NAA30: variants seen among roughly 807,000 people sequenced by gnomAD.
NAA30 encodes the protein N-alpha-acetyltransferase 30.
In NAA30, 5 loss-of-function variants were observed where a neutral mutation model predicts 31.4. The observed-to-expected ratio is 0.16, with a 90% confidence interval of 0.08 to 0.33. The LOEUF (loss-of-function observed/expected upper bound fraction) is 0.33, where lower values mean the gene tolerates loss of function less well. Ranked by LOEUF, NAA30 falls within the 10% of genes least tolerant of loss-of-function variation. NAA30 has a pLI of 1.00. For missense variants in NAA30, 428 were observed against 490.8 expected, an observed-to-expected ratio of 0.87 and a Z score of 1.21; for synonymous variants, 222 against 207.1, an observed-to-expected ratio of 1.07 and a Z score of -0.62.
intron 1 of NAA30, 112 bp from the exon 2 acceptor site, chr14:57,390,845 G>C (rs868587455): frequency 1.9e-6 from 2 of 1,067,096 alleles, no homozygotes; most frequent in African/African-American, 1.7e-5. Context: ...CGTGAGGGAC[G>C]GTTTCTGCCT....
chr14:57,399,525 C>T (rs1297035272), intron 3 of NAA30, among the ~76,000 whole-genome samples: 3 of 152,182 alleles, frequency 2.0e-5, no homozygotes, highest in South Asian at 2.1e-4. Flanking sequence ...TTTTCTCTTT[C>T]GCTTTCCTAC....
At chr14:57,400,661 A>G (rs1017425115) in intron 4 of NAA30, among the ~76,000 whole-genome samples, 3 of 152,180 alleles carry the variant, frequency 2.0e-5, no homozygotes. Flanking sequence ...AATATGTGAA[A>G]TTGGGTAAGT....
At chr14:57,397,226 C>A (rs146018706) in intron 3 of NAA30, among the ~76,000 whole-genome samples, 229 of 152,226 alleles carry the variant, frequency 1.5e-3, no homozygotes, top group African/African-American at 5.3e-3. Context: ...TGCCAGCCTT[C>A]AAGCACTTGT....
chr14:57,408,213 C>T (rs940612325), intron 4 of NAA30, among the ~76,000 whole-genome samples: 1 of 152,110 alleles, frequency 6.6e-6, no homozygotes, highest in Admixed American at 6.6e-5. Context: ...ATTTCCCCCC[C>T]ACCCACTCCA....
intron 2 of NAA30, among the ~76,000 whole-genome samples, chr14:57,393,911 G>T (rs766883473): frequency 1.8e-4 from 28 of 152,056 alleles, no homozygotes; most frequent in Middle Eastern, 3.2e-3. Flanking sequence ...GAAGATTATT[G>T]TGTCACCAAG....
chr14:57,393,705 C>G (rs1425837910), intron 2 of NAA30, among the ~76,000 whole-genome samples: 1 of 151,924 alleles, frequency 6.6e-6, no homozygotes, highest in African/African-American at 2.4e-5. Flanking sequence ...TTTCAATCTC[C>G]AGATATTTAC....
At chr14:57,402,200 A>G (rs567482462) in intron 4 of NAA30, among the ~76,000 whole-genome samples, 1 of 152,378 alleles carries the variant, frequency 6.6e-6, no homozygotes, top group African/African-American at 2.4e-5. Context: ...TTTAAGACCC[A>G]ATTCAAATAC....
rs2066541807 is a variant in NAA30 at position 57,415,135 on chromosome 14, C to T, written c.*5619C>T. The T allele has an allele frequency of 6.6e-6, 1 of 152,016 alleles. No homozygotes were observed. Among genetic ancestry groups the T allele is most frequent in the Admixed American group, 6.5e-5 (1 of 15,270 alleles). 9.4% of individuals were successfully genotyped at this position (152,016 alleles called of 1,614,324 possible). On this transcript the variant is annotated 3_prime_UTR_variant, in exon 5 of 5. Transcript: ENST00000556492. Reference sequence around the variant, plus strand: ...CATTTTTGTAAATAAAATAATTTACCATATACTAGGAGAAGGACCTGCTTT... The same window carrying T: ...CATTTTTGTAAATAAAATAATTTACTATATACTAGGAGAAGGACCTGCTTT...
In NAA30 at chr14:57,410,513, T is replaced by C. The variant is rs2066518485; in HGVS notation, c.*997T>C. On this transcript the variant is annotated 3_prime_UTR_variant, in exon 5 of 5. Transcript: ENST00000556492. ...AGCTTTTACAAAGTAGCTGAATTTG[T>C]TTTTCCCACTTGATTTGGATTCACA... The C allele has an allele frequency of 1.3e-5, 2 of 152,486 alleles. No homozygotes were observed. The highest frequency in any genetic ancestry group is 4.8e-5 in the African/African-American group (2 of 41,434). The allele number at this position is 152,486 out of a possible 1,614,324, so 9.4% of individuals were successfully genotyped here.
At chr14:57,399,983 G>A (rs938991286) in intron 4 of NAA30, 100 bp downstream of exon 4, 47 of 600,892 alleles carry the variant, frequency 7.8e-5, no homozygotes, top group African/African-American at 7.3e-4. Context: ...TCATTGCAGT[G>A]TTACTATACA....
intron 4 of NAA30, among the ~76,000 whole-genome samples, chr14:57,405,407 A>T (rs1487048890): frequency 9.2e-6 from 1 of 109,050 alleles, no homozygotes; most frequent in Non-Finnish European, 2.0e-5. Context: ...TGTATTTACT[A>T]ATAATATATA....
At position 57,404,652 on chromosome 14, in the gene NAA30, CG is replaced by C. The variant is rs949387038; in HGVS notation, c.952-4726del. 5.3e-5 allele frequency among the ~76,000 whole-genome samples: 8 copies of C among 152,236 alleles called. 2 individuals carry two copies. The highest frequency in any genetic ancestry group is 2.1e-4 in the South Asian group (1 of 4,812). On this transcript the variant is annotated intron_variant, in intron 4 of 4. Transcript: ENST00000556492. ...GCAGTTTACAAAAGAAAGAGTACCA[CG>C]TTGGATTTACAGTTCCACATGGCTG...
At chr14:57,390,781 G>A in intron 1 of NAA30, 76 bp downstream of exon 1, 2 of 571,562 alleles carry the variant, frequency 3.5e-6, no homozygotes, top group Non-Finnish European at 5.4e-6. Context: ...GGCCGGCTGA[G>A]CAGCTGGGCG....
In NAA30 at chr14:57,399,042, T is replaced by C. The variant is rs2066462915; in HGVS notation, c.896-786T>C. 1.3e-5 allele frequency among the ~76,000 whole-genome samples: 2 copies of C among 151,934 alleles called. 1 individual carries two copies. Among genetic ancestry groups the C allele is most frequent in the South Asian group, 4.2e-4 (2 of 4,806 alleles). On this transcript the variant is annotated intron_variant, in intron 3 of 4. Coordinates refer to ENST00000556492, the MANE Select transcript of NAA30 (RefSeq NM_001011713.3). ...ACGCCTGGCCAATTTTTTGTATTTT[T>C]AATAGAGACGGGGTTTCACCATGTT...
intron 4 of NAA30, among the ~76,000 whole-genome samples, chr14:57,405,449 G>A (rs559308621): frequency 1.8e-4 from 27 of 149,468 alleles, no homozygotes; most frequent in Non-Finnish European, 3.6e-4. Flanking sequence ...AACATCTTTA[G>A]TTTCACTGGA....
intron 2 of NAA30, among the ~76,000 whole-genome samples, chr14:57,396,449 C>T (rs1391242227): frequency 6.6e-6 from 1 of 151,882 alleles, no homozygotes; most frequent in Non-Finnish European, 1.5e-5. Flanking sequence ...TTAAGCACCT[C>T]ATATGTAATC....
intron 4 of NAA30, among the ~76,000 whole-genome samples, chr14:57,401,247 C>T (rs573835257): frequency 2.6e-5 from 4 of 152,238 alleles, no homozygotes; most frequent in African/African-American, 9.6e-5. Context: ...GCTCCTTGTT[C>T]ACATTAGGCT....
In NAA30 at chr14:57,413,120, C is replaced by A; in HGVS notation, c.*3604C>A. On this transcript the variant is annotated 3_prime_UTR_variant, in exon 5 of 5. Coordinates refer to ENST00000556492, the MANE Select transcript of NAA30 (RefSeq NM_001011713.3). ...CACTGCCACTCTGTAATGTTCCCCC[C>A]ACCCCATCCCACCCTTGGTAAGACA... The A allele has an allele frequency of 6.6e-6, 1 of 151,882 alleles. No homozygotes were observed. The highest frequency in any genetic ancestry group is 2.4e-5 in the African/African-American group (1 of 41,352). 9.4% of individuals were successfully genotyped at this position (151,882 alleles called of 1,614,324 possible).
intron 4 of NAA30, among the ~76,000 whole-genome samples, chr14:57,407,450 G>GTGAT (rs1053244212): frequency 9.2e-5 from 14 of 152,110 alleles, no homozygotes; most frequent in African/African-American, 3.4e-4. Flanking sequence ...ATGTTGCTGG[G>GTGAT]TGATATAAAA....
Sources: allele counts gnomAD v4.1 joint callset (sites outside exome capture counted in the v4.1 genomes callset), GRCh38; gene constraint gnomAD v4.1.1; transcripts MANE v1.5; gene names NCBI Gene and HGNC (gene_info 2026-07-23, HGNC 2026-07-21).